ELF1: variants seen among roughly 807,000 people sequenced by gnomAD.
ELF1 encodes E74 like ETS transcription factor 1.
Under a neutral mutation model 59.9 loss-of-function variants are expected in ELF1, and 24 were observed. That is an observed-to-expected ratio of 0.40 (90% CI 0.29 to 0.56). The LOEUF is 0.56. Ranked by LOEUF, ELF1 falls within the 20% of genes least tolerant of loss-of-function variation. ELF1 has a pLI of 0.44. For missense variants in ELF1, 627 were observed against 742.2 expected (o/e 0.84, Z 1.80); for synonymous variants, 248 against 266.2 (o/e 0.93, Z 0.67).
At position 40,992,013 on chromosome 13, in the gene ELF1, GA is replaced by G. The variant is rs200013519; in HGVS notation, c.-228-9732del. ...AATCAGATGTTTATTGTATGTTTTG[GA>G]AAAAAATAGGGGAAAGTGCATTAAA... On this transcript the variant is annotated intron_variant, in intron 1 of 8. Coordinates refer to ENST00000239882, the MANE Select transcript of ELF1 (RefSeq NM_172373.4). Among the ~76,000 whole-genome samples, 86 of 151,970 alleles carry G rather than the reference GA, an allele frequency of 5.7e-4. 1 individual carries two copies. In the East Asian group the frequency reaches 0.015, roughly 26 times the overall value.
At chr13:40,953,055 C>T (rs1484571947) in intron 3 of ELF1, among the ~76,000 whole-genome samples, 2 of 151,170 alleles carry the variant, frequency 1.3e-5, no homozygotes, top group African/African-American at 4.9e-5. Flanking sequence ...TGGCTCACCG[C>T]AACCTCTGCC....
chr13:41,016,533 T>C (rs1394026851), intron 1 of ELF1, among the ~76,000 whole-genome samples: 2 of 152,166 alleles, frequency 1.3e-5, no homozygotes, highest in African/African-American at 4.8e-5. Flanking sequence ...CACCTCTGGA[T>C]TTTGTAAAGT....
At chr13:40,991,512 A>C (rs1412377254) in intron 1 of ELF1, among the ~76,000 whole-genome samples, 1 of 152,182 alleles carries the variant, frequency 6.6e-6, no homozygotes, top group East Asian at 1.9e-4. Flanking sequence ...CCTGGGCTCA[A>C]GTGATTCTCT....
chr13:40,944,906 A>G (rs1870411908), intron 5 of ELF1, among the ~76,000 whole-genome samples: 1 of 152,220 alleles, frequency 6.6e-6, no homozygotes, highest in Non-Finnish European at 1.5e-5. Flanking sequence ...GGTCAGTGAC[A>G]ATTTATCCCC....
chr13:40,987,102 A>T (rs1593380521), intron 1 of ELF1, among the ~76,000 whole-genome samples: 1 of 150,014 alleles, frequency 6.7e-6, no homozygotes, highest in South Asian at 2.1e-4. Context: ...CGCCCGGCTA[A>T]TTTTTTGTAT....
At chr13:40,994,112 G>A (rs1324617685) in intron 1 of ELF1, among the ~76,000 whole-genome samples, 1 of 151,916 alleles carries the variant, frequency 6.6e-6, no homozygotes, top group East Asian at 1.9e-4. Flanking sequence ...CTGAAGGCAG[G>A]GCCACAATTA....
intron 2 of ELF1, among the ~76,000 whole-genome samples, chr13:40,980,549 T>C (rs770199425): frequency 3.9e-5 from 6 of 152,140 alleles, no homozygotes; most frequent in Non-Finnish European, 5.9e-5. Flanking sequence ...TGTATGAATA[T>C]GGTACCATAA....
At chr13:41,022,787 G>A (rs1236708020), upstream of ELF1, among the ~76,000 whole-genome samples, 8 of 152,162 alleles carry the variant, frequency 5.3e-5, no homozygotes. Flanking sequence ...GCTGAGGCAG[G>A]AGAATCGCTT....
At chr13:41,028,131 G>A (rs763567148) in intron 1 of ELF1, among the ~76,000 whole-genome samples, 2 of 152,194 alleles carry the variant, frequency 1.3e-5, no homozygotes, top group Non-Finnish European at 2.9e-5. Context: ...TCCAGAGAGA[G>A]AGGAATACTT....
chr13:40,994,273 A>T (rs754429117), intron 1 of ELF1, among the ~76,000 whole-genome samples: 1 of 152,166 alleles, frequency 6.6e-6, no homozygotes, highest in Non-Finnish European at 1.5e-5. Context: ...GAATACCTAG[A>T]CCTGTCCATA....
chr13:41,054,017 T>TAA (rs1412648861), intron 1 of ELF1, among the ~76,000 whole-genome samples: 2 of 152,022 alleles, frequency 1.3e-5, no homozygotes, highest in Non-Finnish European at 2.9e-5. Context: ...TCAAAAAATA[T>TAA]AACTCTCAAG....
chr13:41,047,490 T>C (rs1277820039), intron 1 of ELF1, among the ~76,000 whole-genome samples: 1 of 152,222 alleles, frequency 6.6e-6, no homozygotes, highest in Non-Finnish European at 1.5e-5. Flanking sequence ...TAGTTTTCCT[T>C]CTAAGGGTCA....
At position 40,982,076 on chromosome 13, in the gene ELF1, C is replaced by T. The variant is rs777077139; in HGVS notation, c.-22G>A. 17 of 1,598,704 alleles carry T rather than the reference C, an allele frequency of 1.1e-5. No individual in the cohort carries two copies. Among genetic ancestry groups the T allele is most frequent in the African/African-American group, 2.7e-5 (2 of 74,138 alleles). Reference sequence around the variant, plus strand: ...CCATAATAAAGCATTCCCCTTAGATCCACATGAGAAAAATTCCAAGAAGAT... The same window carrying T: ...CCATAATAAAGCATTCCCCTTAGATTCACATGAGAAAAATTCCAAGAAGAT... On this transcript the variant is annotated 5_prime_UTR_variant, in exon 2 of 9. An upstream open reading frame in the 5' UTR gains an earlier in-frame stop. Transcript: ENST00000239882.
chr13:40,946,915 C>T (rs1246061974), intron 5 of ELF1, among the ~76,000 whole-genome samples: 1 of 152,114 alleles, frequency 6.6e-6, no homozygotes, highest in Non-Finnish European at 1.5e-5. Flanking sequence ...CAGAGGCTGA[C>T]GGCCCTAACC....
At chr13:40,944,970 G>A (rs1031270051) in intron 5 of ELF1, among the ~76,000 whole-genome samples, 13 of 152,106 alleles carry the variant, frequency 8.5e-5, no homozygotes, top group Non-Finnish European at 1.8e-4. Flanking sequence ...GAAAGGAAGG[G>A]AGAAAAGTGT....
At chr13:41,054,049 A>C (rs1362863019) in intron 1 of ELF1, among the ~76,000 whole-genome samples, 1 of 152,188 alleles carries the variant, frequency 6.6e-6, no homozygotes, top group Non-Finnish European at 1.5e-5. Flanking sequence ...ATGTCTTATA[A>C]AATGGGATGA....
chr13:41,048,767 T>C (rs1475247026), intron 1 of ELF1, among the ~76,000 whole-genome samples: 3 of 151,834 alleles, frequency 2.0e-5, no homozygotes, highest in African/African-American at 7.3e-5. Flanking sequence ...AGAACCTGAA[T>C]TGGCACCCTG....
chr13:41,000,521 G>A (rs367602012), intron 1 of ELF1, among the ~76,000 whole-genome samples: 23 of 151,890 alleles, frequency 1.5e-4, no homozygotes, highest in Admixed American at 5.3e-4. Context: ...ACACTGGGCC[G>A]AACCTGGGTC....
intron 1 of ELF1, among the ~76,000 whole-genome samples, chr13:40,986,616 T>C (rs1873558708): frequency 6.7e-6 from 1 of 149,686 alleles, no homozygotes; most frequent in African/African-American, 2.5e-5. Context: ...TTTGGCGTCT[T>C]TTTAACAAAT....
Sources: allele counts gnomAD v4.1 joint callset (sites outside exome capture counted in the v4.1 genomes callset), GRCh38; gene constraint gnomAD v4.1.1; transcripts MANE v1.5; gene names NCBI Gene and HGNC (gene_info 2026-07-23, HGNC 2026-07-21).